IQSEC1: variants seen among roughly 807,000 people sequenced by gnomAD.
The protein encoded by IQSEC1 is IQ motif and SEC7 domain-containing protein 1.
In IQSEC1, 31 loss-of-function variants were observed where a neutral mutation model predicts 91.0. The observed-to-expected ratio is 0.34, with a 90% CI of 0.26 to 0.46. The LOEUF is 0.46. Among genes scored for constraint, IQSEC1 ranks in the 20% least tolerant of loss-of-function variants. IQSEC1 has a pLI of 1.00. For missense variants in IQSEC1, 1,388 were observed against 1,575.6 expected (o/e 0.88, Z 2.02); for synonymous variants, 699 against 662.6 (o/e 1.05, Z -0.84).
At chr3:13,073,461 C>A (rs918103696), upstream of IQSEC1, among the ~76,000 whole-genome samples, 2 of 152,256 alleles carry the variant, frequency 1.3e-5, no homozygotes, top group South Asian at 4.1e-4. Flanking sequence ...GAGCCTCCCC[C>A]ACCCCCCGCG....
intron 1 of IQSEC1, among the ~76,000 whole-genome samples, chr3:12,968,920 G>A (rs1700764987): frequency 6.6e-6 from 1 of 152,212 alleles, no homozygotes; most frequent in African/African-American, 2.4e-5. Context: ...GGCTGAGGTG[G>A]CCCAGCTTGC....
At chr3:13,038,256 G>GTATATA (rs1704110342) in intron 1 of IQSEC1, among the ~76,000 whole-genome samples, 2 of 51,244 alleles carry the variant, frequency 3.9e-5, no homozygotes, top group Non-Finnish European at 7.5e-5. Context: ...ATATGTGTGT[G>GTATATA]TGTGTGTATA....
At chr3:13,022,205 G>A in intron 1 of IQSEC1, 2 of 1,230,642 alleles carry the variant, frequency 1.6e-6, no homozygotes, top group Non-Finnish European at 2.0e-6. Flanking sequence ...GGATTTTCAG[G>A]TCCCTTCCTT....
chr3:12,972,623 C>T (rs977626937), intron 1 of IQSEC1, among the ~76,000 whole-genome samples: 1 of 152,192 alleles, frequency 6.6e-6, no homozygotes, highest in African/African-American at 2.4e-5. Context: ...GCTGGGTCTG[C>T]GAGGGAGCTC....
chr3:12,902,667 AACC>A (rs1559598671), intron 13 of IQSEC1, 103 bp downstream of exon 13: 5 of 537,168 alleles, frequency 9.3e-6, no homozygotes, highest in South Asian at 1.9e-5. Context: ...ACAAAAAAAA[AACC>A]AAAAAAAAAA....
intron 1 of IQSEC1, among the ~76,000 whole-genome samples, chr3:12,973,053 A>G (rs1700981999): frequency 6.6e-6 from 1 of 152,208 alleles, no homozygotes; most frequent in Non-Finnish European, 1.5e-5. Flanking sequence ...TGAATTTGGG[A>G]CGTGCCATAT....
chr3:13,031,683 G>A (rs963486055), intron 1 of IQSEC1, among the ~76,000 whole-genome samples: 1 of 151,830 alleles, frequency 6.6e-6, no homozygotes, highest in African/African-American at 2.4e-5. Context: ...TTGCAGACAG[G>A]GGATGCAGGA....
At chr3:13,138,214 T>C (rs1345892549) in intron 2 of IQSEC1, among the ~76,000 whole-genome samples, 1 of 152,150 alleles carries the variant, frequency 6.6e-6, no homozygotes, top group Non-Finnish European at 1.5e-5. Flanking sequence ...ACAGGCAGCT[T>C]TGGAGTCCTC....
At chr3:12,976,795 A>G (rs375767435) in intron 1 of IQSEC1, among the ~76,000 whole-genome samples, 3 of 151,842 alleles carry the variant, frequency 2.0e-5, no homozygotes, top group African/African-American at 7.3e-5. Flanking sequence ...TGGACAGGTG[A>G]ATCATGTTGA....
intron 9 of IQSEC1, among the ~76,000 whole-genome samples, 182 bp from the exon 10 acceptor site, chr3:12,911,910 G>A (rs930398074): frequency 1.3e-5 from 2 of 152,164 alleles, no homozygotes; most frequent in Admixed American, 6.5e-5. Context: ...CCGCAACCCC[G>A]ATGCCATCTT....
chr3:12,907,993 GGCCGCACAGAGAGCACGGGACACA>G (rs1304228613), intron 12 of IQSEC1, among the ~76,000 whole-genome samples: 6 of 152,208 alleles, frequency 3.9e-5, no homozygotes, highest in Admixed American at 6.5e-5. Flanking sequence ...ACAGGGACGC[GGCCGCACAGAGAGCACGGGACACA>G]GCCGCCGGCT....
At chr3:13,159,835 T>A (rs866995416) in intron 2 of IQSEC1, among the ~76,000 whole-genome samples, 1 of 152,130 alleles carries the variant, frequency 6.6e-6, no homozygotes, top group Admixed American at 6.6e-5. Context: ...CCCTGGCACT[T>A]TCAAACCAGT....
chr3:12,947,478 G>A (rs1381166048), intron 1 of IQSEC1, among the ~76,000 whole-genome samples: 1 of 151,842 alleles, frequency 6.6e-6, no homozygotes, highest in Non-Finnish European at 1.5e-5. Flanking sequence ...CCCCACCCCG[G>A]GGATCACCTG....
chr3:13,071,990 C>A (rs1385325380), intron 1 of IQSEC1, among the ~76,000 whole-genome samples: 3 of 152,270 alleles, frequency 2.0e-5, no homozygotes, highest in Non-Finnish European at 2.9e-5. Context: ...TCAGGGGTTC[C>A]ACAGGCCCCT....
Position 13,071,766 on chromosome 3 carries a change from CGAACCAGAGGCCACTGCCATTCCCT to C in IQSEC1, c.23+1201_23+1225del, listed in dbSNP as rs756671221. ...CCCCAAACCAGAGGCCGCCATCCCC[CGAACCAGAGGCCACTGCCATTCCCT>C]GAACCAGAGGCCACTGCCATCCCCC... On this transcript the variant is annotated intron_variant, in intron 1 of 13. Coordinates refer to ENST00000613206, the MANE Select transcript of IQSEC1 (RefSeq NM_001134382.3). Among the ~76,000 whole-genome samples the C allele has an allele frequency of 4.8e-4, 72 of 148,530 alleles. 2 individuals carry two copies. Among genetic ancestry groups the C allele is most frequent in the South Asian group, 8.9e-4 (4 of 4,510 alleles).
rs1694079487 is a variant in IQSEC1 at position 13,193,975 on chromosome 3, G to T, written c.273-29842C>A. Among the ~76,000 whole-genome samples the T allele has an allele frequency of 6.6e-6, 1 of 152,184 alleles. No individual in the cohort carries two copies. Among genetic ancestry groups the T allele is most frequent in the Non-Finnish European group, 1.5e-5 (1 of 68,034 alleles). Reference sequence around the variant, plus strand: ...AGCAAGGCTTTGGTTGGCAAGGGTGGTTTCTCTGGCAGCCTCTCTCCCTCC... The same window carrying T: ...AGCAAGGCTTTGGTTGGCAAGGGTGTTTTCTCTGGCAGCCTCTCTCCCTCC... On this transcript the variant is annotated intron_variant, in intron 1 of 15. Coordinates refer to the IQSEC1 transcript ENST00000648114. This position sits in a 1 kb window ranked among gnomAD's most constrained non-coding sequence, Gnocchi z 4.2.
chr3:12,928,199 T>G, intron 3 of IQSEC1, among the ~76,000 whole-genome samples: 1 of 140,592 alleles, frequency 7.1e-6, no homozygotes, highest in Non-Finnish European at 1.5e-5. Flanking sequence ...AGGGCAGAGG[T>G]GTCAATATTT....
chr3:13,053,582 C>T (rs6781286), intron 1 of IQSEC1, among the ~76,000 whole-genome samples: 50,758 of 152,004 alleles, frequency 0.33, 9,556 homozygotes, highest in African/African-American at 0.52. Context: ...CTCTGGGAGT[C>T]GGCTCACAGC....
intron 1 of IQSEC1, among the ~76,000 whole-genome samples, chr3:13,171,888 C>G (rs960233638): frequency 6.6e-6 from 1 of 152,070 alleles, no homozygotes; most frequent in Non-Finnish European, 1.5e-5. Context: ...GCAAGCGTCC[C>G]GGGCCAAAGG....
Sources: allele counts gnomAD v4.1 joint callset (sites outside exome capture counted in the v4.1 genomes callset), GRCh38; gene constraint gnomAD v4.1.1; non-coding constraint Gnocchi (gnomAD v3.1); transcripts MANE v1.5; gene names NCBI Gene and HGNC (gene_info 2026-07-23, HGNC 2026-07-21).